AGBL1: variants seen among roughly 807,000 people sequenced by gnomAD.
AGBL1 encodes the protein AGBL carboxypeptidase 1.
A neutral mutation model predicts 118.9 loss-of-function variants in AGBL1; 130 were observed. The observed-to-expected ratio is 1.09, with a 90% CI of 0.95 to 1.26. AGBL1 has a LOEUF of 1.26. Ranked by LOEUF, AGBL1 falls within the 50% of genes most tolerant of loss-of-function variation. The probability of loss-of-function intolerance (pLI) is 0.00; values close to 1 mark genes in which losing one functional copy is unlikely to be tolerated. For missense variants in AGBL1, 1,584 were observed against 1,298.1 expected, an observed-to-expected ratio of 1.22 and a Z score of -3.38; for synonymous variants, 555 against 478.9, an observed-to-expected ratio of 1.16 and a Z score of -2.08.
chr15:86,904,816 A>G (rs1438996732), intron 22 of AGBL1, among the ~76,000 whole-genome samples: 1 of 143,940 alleles, frequency 6.9e-6, no homozygotes, highest in Non-Finnish European at 1.5e-5. Context: ...GATGATTCAA[A>G]TATGGTTTTT....
intron 22 of AGBL1, among the ~76,000 whole-genome samples, chr15:86,866,912 G>C (rs1178861315): frequency 2.0e-5 from 3 of 152,212 alleles, no homozygotes; most frequent in African/African-American, 7.2e-5. Flanking sequence ...CCAGAGAAGA[G>C]AGTATCAGTA....
At chr15:86,341,657 A>C (rs868842994) in intron 17 of AGBL1, among the ~76,000 whole-genome samples, 2 of 152,110 alleles carry the variant, frequency 1.3e-5, no homozygotes, top group African/African-American at 4.8e-5. Context: ...CATGTGTATC[A>C]TTCTCGGGCA....
At chr15:86,568,214 G>A (rs913873134) in intron 21 of AGBL1, among the ~76,000 whole-genome samples, 3 of 152,038 alleles carry the variant, frequency 2.0e-5, no homozygotes, top group African/African-American at 7.2e-5. Flanking sequence ...TTTTAAATCA[G>A]TATCTTTGAA....
intron 21 of AGBL1, among the ~76,000 whole-genome samples, chr15:86,627,340 G>A (rs368866259): frequency 1.4e-3 from 206 of 152,262 alleles, no homozygotes; most frequent in African/African-American, 4.7e-3. Flanking sequence ...TATTGTCTGG[G>A]CATGGATGCT....
intron 22 of AGBL1, among the ~76,000 whole-genome samples, chr15:86,897,854 C>T (rs1212051163): frequency 1.5e-5 from 2 of 134,890 alleles, no homozygotes; most frequent in Non-Finnish European, 3.1e-5. Context: ...ACTGCAGTTT[C>T]GACCTCCTGG....
At chr15:86,732,056 G>C (rs2077534028) in intron 22 of AGBL1, among the ~76,000 whole-genome samples, 1 of 152,176 alleles carries the variant, frequency 6.6e-6, no homozygotes, top group Non-Finnish European at 1.5e-5. Context: ...AGATGTTACT[G>C]TTATCCCCAT....
intron 18 of AGBL1, among the ~76,000 whole-genome samples, chr15:86,464,963 G>A (rs1259545861): frequency 6.6e-6 from 1 of 151,922 alleles, no homozygotes; most frequent in Non-Finnish European, 1.5e-5. Flanking sequence ...TTGCTGGGTT[G>A]GGGAGGTTCT....
intron 5 of AGBL1, among the ~76,000 whole-genome samples, chr15:86,186,563 C>A (rs2077636308): frequency 6.6e-6 from 1 of 152,164 alleles, no homozygotes; most frequent in Non-Finnish European, 1.5e-5. Flanking sequence ...GAGGGCAAAC[C>A]TGCTGCAGGC....
At position 86,983,475 on chromosome 15, in the gene AGBL1, CT is replaced by C. The variant is rs536301873; in HGVS notation, c.3222-4511del. 2.3e-3 allele frequency among the ~76,000 whole-genome samples: 350 copies of C among 152,244 alleles called. 1 individual carries two copies. Among genetic ancestry groups the C allele is most frequent in the Middle Eastern group, 0.01 (3 of 294 alleles). ...TGGTGATGAAATATCAGCAATACCC[CT>C]GAAGGTCTTTTGATGTTCTTTTGTC... On this transcript the variant is annotated intron_variant, in intron 23 of 24. Transcript: ENST00000441037.
chr15:86,656,394 G>C (rs867958071), intron 21 of AGBL1, among the ~76,000 whole-genome samples: 1 of 152,094 alleles, frequency 6.6e-6, no homozygotes, highest in African/African-American at 2.4e-5. Flanking sequence ...GGCTTTAGGG[G>C]GGTTGCCTGC....
At chr15:86,308,637 C>T (rs1257328804) in intron 17 of AGBL1, among the ~76,000 whole-genome samples, 2 of 152,202 alleles carry the variant, frequency 1.3e-5, no homozygotes, top group African/African-American at 2.4e-5. Flanking sequence ...CATTCTTCTG[C>T]ATCTGTATAT....
intron 18 of AGBL1, among the ~76,000 whole-genome samples, chr15:86,462,224 T>A (rs1332380116): frequency 6.6e-6 from 1 of 152,088 alleles, no homozygotes; most frequent in East Asian, 1.9e-4. Flanking sequence ...GTGGTGGGGA[T>A]TAATTGAGAT....
At chr15:86,762,758 T>C (rs1397294023) in intron 22 of AGBL1, among the ~76,000 whole-genome samples, 1 of 152,030 alleles carries the variant, frequency 6.6e-6, no homozygotes, top group African/African-American at 2.4e-5. Flanking sequence ...GGCTTTACTG[T>C]AGCTTCTGAA....
At chr15:86,232,153 C>T (rs1295385699) in intron 6 of AGBL1, among the ~76,000 whole-genome samples, 1 of 152,196 alleles carries the variant, frequency 6.6e-6, no homozygotes, top group East Asian at 1.9e-4. Flanking sequence ...CAAATTCAGT[C>T]CTCTCTGCCA....
rs180793760 is a variant in AGBL1 at position 86,269,995 on chromosome 15, G to A, written c.1915G>A (p.Gly639Ser). 98 of 1,613,612 alleles carry A rather than the reference G, an allele frequency of 6.1e-5. No homozygotes were observed. The highest frequency in any genetic ancestry group is 7.1e-5 in the Non-Finnish European group (84 of 1,179,760). ...GCAGTGGTTCTATTTCAAAGTGAGC[G>A]GTATGCAGGCGGCCATCCCTTACCA... ...HQQWFYFKVSGMQAAIPYHFN... is the reference protein window; with the variant it reads ...HQQWFYFKVSSMQAAIPYHFN... The change falls in exon 14 of 23, where the codon GGT (glycine) becomes AGT (serine). Residue 639 changes from glycine (G) to serine (S), a missense_variant. By Grantham distance (56) the Gly-to-Ser change is moderately conservative. Transcript: ENST00000614907.
chr15:86,850,301 G>C (rs1365457207), intron 22 of AGBL1, among the ~76,000 whole-genome samples: 2 of 152,162 alleles, frequency 1.3e-5, no homozygotes, highest in Admixed American at 1.3e-4. Context: ...TTATTAAAAA[G>C]TGTCTGTACA....
chr15:86,648,579 T>A (rs796145662), intron 21 of AGBL1, among the ~76,000 whole-genome samples: 3 of 152,310 alleles, frequency 2.0e-5, no homozygotes, highest in African/African-American at 7.2e-5. Flanking sequence ...AGCCAAGTAG[T>A]AATGTCAAGT....
intron 22 of AGBL1, among the ~76,000 whole-genome samples, chr15:86,819,152 T>G (rs917130984): frequency 6.6e-6 from 1 of 151,992 alleles, no homozygotes; most frequent in African/African-American, 2.4e-5. Context: ...GGGGCAAAAA[T>G]CTAACACTGA....
At chr15:86,315,175 C>A (rs943476271) in intron 17 of AGBL1, among the ~76,000 whole-genome samples, 1 of 152,128 alleles carries the variant, frequency 6.6e-6, no homozygotes, top group Admixed American at 6.5e-5. Flanking sequence ...CCCAGGGTAA[C>A]CCGAAAGCCT....
Sources: gnomAD v4.1 joint callset for allele counts (sites outside exome capture counted in the v4.1 genomes callset) on GRCh38, gnomAD v4.1.1 for gene constraint, MANE v1.5 for transcripts, NCBI Gene and HGNC (gene_info 2026-07-23, HGNC 2026-07-21) for gene names.